Variants in MACROD2 observed in about 807,000 individuals in gnomAD.
MACROD2 encodes mono-ADP ribosylhydrolase 2.
MACROD2 carries 36 observed loss-of-function variants against 70.4 expected under a neutral mutation model. The observed-to-expected ratio is 0.51, with a 90% CI of 0.39 to 0.68. The LOEUF is 0.68. Ranked by LOEUF, MACROD2 falls within the 30% of genes least tolerant of loss-of-function variation. The pLI, the probability that MACROD2 is intolerant of heterozygous loss-of-function variation, is 0.00. For missense variants in MACROD2, 496 were observed against 538.4 expected, an observed-to-expected ratio of 0.92 and a Z score of 0.78; for synonymous variants, 172 against 178.8, an observed-to-expected ratio of 0.96 and a Z score of 0.30.
chr20:15,942,427 C>G (rs748727023), intron 12 of MACROD2, among the ~76,000 whole-genome samples: 6 of 152,082 alleles, frequency 3.9e-5, no homozygotes, highest in Non-Finnish European at 5.9e-5. Context: ...TAAAGCTGGC[C>G]TGGGAAAAGA....
At chr20:15,164,066 A>G (rs2076366440) in intron 5 of MACROD2, among the ~76,000 whole-genome samples, 1 of 152,128 alleles carries the variant, frequency 6.6e-6, no homozygotes, top group East Asian at 1.9e-4. Context: ...AAATCAGAGA[A>G]AATAACAATT....
At chr20:14,280,120 C>T (rs1487422586) in intron 3 of MACROD2, among the ~76,000 whole-genome samples, 2 of 152,014 alleles carry the variant, frequency 1.3e-5, no homozygotes, top group African/African-American at 2.4e-5. Flanking sequence ...TTTTTAATGT[C>T]TATTTAGAAC....
rs550421387 is a variant in MACROD2, at chr20:15,705,114, T to C, written c.646-157631T>C. ...TTATAGGAAATTCAAAATACCTTTC[T>C]ATTATAAATTGATGTGTTTTATTTA... On this transcript the variant is annotated intron_variant, in intron 8 of 17. Coordinates refer to ENST00000684519, the MANE Select transcript of MACROD2 (RefSeq NM_001351661.2). Among the ~76,000 whole-genome samples the C allele has an allele frequency of 5.9e-5, 9 of 152,352 alleles. No individual in the cohort carries two copies. The South Asian group carries it at 6.2e-4, about 11-fold the overall frequency.
intron 12 of MACROD2, among the ~76,000 whole-genome samples, chr20:15,957,481 T>A (rs1424959066): frequency 6.6e-6 from 1 of 152,190 alleles, no homozygotes; most frequent in Non-Finnish European, 1.5e-5. Flanking sequence ...TAAACATACA[T>A]AACCTTGATG....
chr20:15,956,454 G>T (rs1601209639), intron 12 of MACROD2, among the ~76,000 whole-genome samples: 1 of 152,138 alleles, frequency 6.6e-6, no homozygotes, highest in East Asian at 1.9e-4. Context: ...GTCACTCAGA[G>T]AGCTGTGCAT....
chr20:15,988,617 T>C (rs1202328160), intron 15 of MACROD2, among the ~76,000 whole-genome samples: 1 of 152,114 alleles, frequency 6.6e-6, no homozygotes, highest in Non-Finnish European at 1.5e-5. Context: ...CTTTCCTCTC[T>C]TCCTTGTAAA....
At chr20:14,783,320 A>T (rs1378860578) in intron 5 of MACROD2, among the ~76,000 whole-genome samples, 1 of 152,118 alleles carries the variant, frequency 6.6e-6, no homozygotes, top group Non-Finnish European at 1.5e-5. Flanking sequence ...TAAGATTATC[A>T]TGTAGCTTTT....
At chr20:15,934,992 A>C (rs1400242833) in intron 11 of MACROD2, among the ~76,000 whole-genome samples, 2 of 126,410 alleles carry the variant, frequency 1.6e-5, no homozygotes, top group African/African-American at 2.9e-5. Flanking sequence ...CCCAGGCCCA[A>C]AGTGTCCTTA....
chr20:13,995,553 G>A lies in MACROD2; in HGVS notation c.-211G>A. ...GGTGCTGCTGTGGCGGCGTCCGCGG[G>A]GCTGAGGCGGGTGGGAGCCGGAGCC... On this transcript the variant is annotated 5_prime_UTR_variant, in exon 1 of 18. Coordinates refer to ENST00000684519, the MANE Select transcript of MACROD2 (RefSeq NM_001351661.2). The surrounding 1 kb of genome is among the most constrained non-coding windows in gnomAD (Gnocchi z 4.3). 1.5e-6 allele frequency: 1 copy of A among 648,400 alleles called. No individual in the cohort carries two copies. The highest frequency in any genetic ancestry group is 2.8e-6 in the Non-Finnish European group (1 of 351,846). The allele number at this position is 648,400 out of a possible 1,614,324, so 40.2% of individuals were successfully genotyped here.
At chr20:15,050,139 C>G (rs955223993) in intron 5 of MACROD2, among the ~76,000 whole-genome samples, 1 of 152,104 alleles carries the variant, frequency 6.6e-6, no homozygotes, top group Non-Finnish European at 1.5e-5. Context: ...GTCTTGTGCT[C>G]TAAAGCTCTT....
chr20:15,891,348 G>A (rs1284840978), intron 10 of MACROD2, among the ~76,000 whole-genome samples: 6 of 152,190 alleles, frequency 3.9e-5, no homozygotes, highest in Non-Finnish European at 8.8e-5. Flanking sequence ...GGCTAGTGTG[G>A]TAAGCGGGGC....
chr20:14,522,182 A>T (rs1176673514), intron 4 of MACROD2, among the ~76,000 whole-genome samples: 1 of 152,150 alleles, frequency 6.6e-6, no homozygotes, highest in Non-Finnish European at 1.5e-5. Context: ...TTTGAAAACG[A>T]TTGGGTTAAA....
chr20:14,271,447 G>T (rs1184428073), intron 3 of MACROD2, among the ~76,000 whole-genome samples: 12 of 152,306 alleles, frequency 7.9e-5, no homozygotes, highest in African/African-American at 2.6e-4. Context: ...TCTGTTAGAA[G>T]AAAAACTAAC....
chr20:15,596,172 C>T (rs1434547158), intron 8 of MACROD2, among the ~76,000 whole-genome samples: 2 of 152,140 alleles, frequency 1.3e-5, no homozygotes, highest in African/African-American at 2.4e-5. Flanking sequence ...GTCATAATTG[C>T]CTAAATGTTT....
In MACROD2 at chr20:15,228,905, G is replaced by A. The variant is rs540689439; in HGVS notation, c.419-1035G>A. Reference sequence around the variant, plus strand: ...CTTCTGTCATTCTTGTTGGAATTGAGTGGTAACGATTAGTCAACACAAATA... The same window carrying A: ...CTTCTGTCATTCTTGTTGGAATTGAATGGTAACGATTAGTCAACACAAATA... On this transcript the variant is annotated intron_variant, in intron 5 of 17. Transcript: ENST00000684519. Among the ~76,000 whole-genome samples, 3 of 152,262 alleles carry A rather than the reference G, an allele frequency of 2.0e-5. No individual in the cohort carries two copies. The East Asian group carries it at 5.8e-4, about 29-fold the overall frequency.
At chr20:14,995,778 A>G (rs1190607098) in intron 5 of MACROD2, among the ~76,000 whole-genome samples, 1 of 152,182 alleles carries the variant, frequency 6.6e-6, no homozygotes, top group Non-Finnish European at 1.5e-5. Context: ...TTGAAAATGA[A>G]TGATAAAAAT....
At chr20:14,948,048 A>AG (rs2074446985) in intron 5 of MACROD2, among the ~76,000 whole-genome samples, 1 of 152,144 alleles carries the variant, frequency 6.6e-6, no homozygotes, top group Non-Finnish European at 1.5e-5. Flanking sequence ...TTCCCCTCCA[A>AG]GGCATCAGAG....
intron 6 of MACROD2, among the ~76,000 whole-genome samples, chr20:15,240,332 T>G (rs954910597): frequency 3.9e-5 from 6 of 152,226 alleles, no homozygotes; most frequent in Admixed American, 6.5e-5. Context: ...GAGTTATATA[T>G]CCCATTTGTT....
chr20:15,679,236 C>CAAAAAA (rs35869757), intron 8 of MACROD2, among the ~76,000 whole-genome samples: 1 of 109,360 alleles, frequency 9.1e-6, no homozygotes, highest in Non-Finnish European at 2.0e-5. Context: ...GACTCCATCT[C>CAAAAAA]AAAAAAAAAA....
Sources: allele counts gnomAD v4.1 joint callset (sites outside exome capture counted in the v4.1 genomes callset), GRCh38; gene constraint gnomAD v4.1.1; non-coding constraint Gnocchi (gnomAD v3.1); transcripts MANE v1.5; gene names NCBI Gene and HGNC (gene_info 2026-07-23, HGNC 2026-07-21).